Variants in SUZ12 observed in about 807,000 individuals in gnomAD.
The protein encoded by SUZ12 is SUZ12 polycomb repressive complex 2 subunit.
A neutral mutation model predicts 87.3 loss-of-function variants in SUZ12; 17 were observed. The ratio of observed to expected loss-of-function variants is 0.19; its 90% CI spans 0.13 to 0.29. The LOEUF is 0.29. Among genes scored for constraint, SUZ12 ranks in the 10% least tolerant of loss-of-function variants. The pLI, the probability that SUZ12 is intolerant of heterozygous loss-of-function variation, is 1.00. For synonymous variants in SUZ12, 253 were observed against 312.4 expected, an observed-to-expected ratio of 0.81 and a Z score of 2.01; for missense variants, 526 against 912.2, an observed-to-expected ratio of 0.58 and a Z score of 5.45.
chr17:31,966,997 G>A (rs1305145383), intron 5 of SUZ12: 6 of 151,404 alleles, frequency 4.0e-5, no homozygotes, highest in Non-Finnish European at 8.8e-5. Context: ...CAGGAGTTCA[G>A]GAGTTCAGCT....
intron 4 of SUZ12, among the ~76,000 whole-genome samples, chr17:31,951,382 C>A (rs1328154071): frequency 6.6e-6 from 1 of 151,564 alleles, no homozygotes; most frequent in Admixed American, 6.6e-5. Flanking sequence ...GTTTCACGGT[C>A]TTTTATATTT....
intron 3 of SUZ12, among the ~76,000 whole-genome samples, chr17:31,944,220 C>T (rs2142123581): frequency 6.6e-6 from 1 of 151,938 alleles, no homozygotes; most frequent in Middle Eastern, 3.4e-3. Context: ...CTTCCACCTC[C>T]TGGGTTCAAG....
chr17:31,991,546 T>G (rs12939575), intron 10 of SUZ12, among the ~76,000 whole-genome samples: 6,071 of 151,918 alleles, frequency 0.04, 300 homozygotes, highest in African/African-American at 0.11. Flanking sequence ...AAATACCTTT[T>G]TTTCTTATAT....
chr17:31,937,456 G>T lies in SUZ12; in HGVS notation c.210G>T (p.Pro70=), dbSNP rs1598141244. 6.5e-7 allele frequency: 1 copy of T among 1,541,368 alleles called. No individual in the cohort carries two copies. The highest frequency in any genetic ancestry group is 8.7e-7 in the Non-Finnish European group (1 of 1,145,192). The change falls in exon 1 of 16, where the codon CCG becomes CCT. Residue 70 remains proline (P), a synonymous_variant. Coordinates refer to ENST00000322652, the MANE Select transcript of SUZ12 (RefSeq NM_015355.4). The part of the protein sequence containing the change: ...AAAAAGAAVL[P]VKKPKMEHVQ... ...CAGCGGCGGGGGCTGCGGTGTTACC[G>T]GTGAAGAAGCCGAAAATGGAGCACG...
At chr17:31,987,560 A>C (rs1473779125) in intron 9 of SUZ12, among the ~76,000 whole-genome samples, 1 of 152,174 alleles carries the variant, frequency 6.6e-6, no homozygotes, top group Admixed American at 6.6e-5. Context: ...TGTTCAATTT[A>C]CAAAAAAAAA....
intron 5 of SUZ12, 105 bp from the exon 6 acceptor site, chr17:31,973,041 T>C (rs71375489): frequency 0.013 from 13,670 of 1,088,308 alleles, 115 homozygotes; most frequent in South Asian, 0.021. Context: ...TTGAGAAGTC[T>C]TACTGTGGGA....
Position 31,973,379 on chromosome 17 carries a change from C to T in SUZ12, c.591+148C>T, listed in dbSNP as rs908931831. 9.0e-6 allele frequency: 5 copies of T among 554,516 alleles called. No individual in the cohort carries two copies. The African/African-American group carries it at 1.0e-4, about 11-fold the overall frequency. The allele number at this position is 554,516 out of a possible 1,614,324, so 34.3% of individuals were successfully genotyped here. On this transcript the variant is annotated intron_variant, in intron 6 of 15. Transcript: ENST00000322652. ...GATGGCCTAATTATAAAACTGATAA[C>T]CTCTTTTGCCAACTCGCATATCTGT...
At chr17:31,983,271 A>ATTTT (rs1909215060) in intron 9 of SUZ12, among the ~76,000 whole-genome samples, 167 bp downstream of exon 9, 4 of 129,104 alleles carry the variant, frequency 3.1e-5, no homozygotes, top group African/African-American at 1.3e-4. Flanking sequence ...GGAAGGTATC[A>ATTTT]TTCTTTTTTT....
chr17:31,973,006 T>G, intron 5 of SUZ12, 140 bp from the exon 6 acceptor site: 1 of 623,130 alleles, frequency 1.6e-6, no homozygotes. Context: ...GGAACTGATT[T>G]GAGGAAAAAA....
chr17:31,942,584 A>G (rs1906368423), intron 3 of SUZ12, among the ~76,000 whole-genome samples: 1 of 150,594 alleles, frequency 6.6e-6, no homozygotes, highest in Non-Finnish European at 1.5e-5. Context: ...TGATCCACTC[A>G]CCGTGGCCTC....
intron 4 of SUZ12, among the ~76,000 whole-genome samples, chr17:31,952,567 GTTGCTGT>G (rs1285427762): frequency 6.6e-6 from 1 of 151,888 alleles, no homozygotes; most frequent in Non-Finnish European, 1.5e-5. Context: ...TCTTTTTTTT[GTTGCTGT>G]TTTTTTGAGA....
intron 9 of SUZ12, among the ~76,000 whole-genome samples, chr17:31,986,883 GTAA>G (rs1909449174): frequency 6.6e-6 from 1 of 152,104 alleles, no homozygotes; most frequent in African/African-American, 2.4e-5. Context: ...GGATTACTTT[GTAA>G]TAATGATATA....
intron 5 of SUZ12, among the ~76,000 whole-genome samples, chr17:31,969,168 G>T (rs922804295): frequency 7.2e-5 from 11 of 151,990 alleles, no homozygotes; most frequent in African/African-American, 1.9e-4. Context: ...TTCTGAGATG[G>T]AGTTTCACTC....
intron 1 of SUZ12, among the ~76,000 whole-genome samples, chr17:31,938,971 T>G (rs8072852): frequency 0.047 from 7,121 of 152,292 alleles, 537 homozygotes; most frequent in African/African-American, 0.16. Flanking sequence ...CTATTTGGTT[T>G]ATTCTGATAC....
chr17:31,959,184 T>A (rs942115724), intron 4 of SUZ12, among the ~76,000 whole-genome samples: 5 of 152,232 alleles, frequency 3.3e-5, no homozygotes, highest in Admixed American at 2.6e-4. Context: ...GTCTTGAGTT[T>A]TTGTTCTTTT....
chr17:31,954,479 C>T (rs564646534), intron 4 of SUZ12, among the ~76,000 whole-genome samples: 5 of 152,146 alleles, frequency 3.3e-5, no homozygotes, highest in African/African-American at 4.8e-5. Context: ...CTTGGGGGCG[C>T]GTTTCATTTA....
intron 5 of SUZ12, among the ~76,000 whole-genome samples, chr17:31,971,695 G>T (rs1908441104): frequency 6.6e-6 from 1 of 152,036 alleles, no homozygotes; most frequent in South Asian, 2.1e-4. Flanking sequence ...CTCCCTAAGT[G>T]CTGCGATTAT....
intron 4 of SUZ12, among the ~76,000 whole-genome samples, chr17:31,955,648 T>C (rs1014644749): frequency 6.6e-6 from 1 of 151,866 alleles, no homozygotes; most frequent in African/African-American, 2.4e-5. Flanking sequence ...TTCAGGAGGC[T>C]GAGGCAGGAG....
rs964002106 is a variant in SUZ12, at chr17:31,993,349, C to G, written c.1293+16C>G. 6.9e-7 allele frequency: 1 copy of G among 1,440,284 alleles called. No homozygotes were observed. Among genetic ancestry groups the G allele is most frequent in the Admixed American group, 2.2e-5 (1 of 46,154 alleles). The allele number at this position is 1,440,284 out of a possible 1,614,324, so 89.2% of individuals were successfully genotyped here. A position where few individuals can be genotyped will look rare whatever the true frequency, so the allele number is the denominator to read the frequency against. On this transcript the variant is annotated intron_variant, in intron 11 of 15. Transcript: ENST00000322652. ...ATTTTATCAGGTAAACATAGCTGACCCTTCTTAAAGTAATTATGAAATGTA... is the reference window on the plus strand; with the variant it reads ...ATTTTATCAGGTAAACATAGCTGACGCTTCTTAAAGTAATTATGAAATGTA...
Sources: allele counts gnomAD v4.1 joint callset (sites outside exome capture counted in the v4.1 genomes callset), GRCh38; gene constraint gnomAD v4.1.1; transcripts MANE v1.5; gene names NCBI Gene and HGNC (gene_info 2026-07-23, HGNC 2026-07-21).